Variants in IRF1 observed in about 807,000 individuals in gnomAD.
IRF1 encodes interferon regulatory factor 1.
Under a neutral mutation model 43.7 loss-of-function variants are expected in IRF1, and 13 were observed. That is an observed-to-expected ratio of 0.30 (90% confidence interval 0.19 to 0.47). The LOEUF is 0.47. IRF1 is among the 20% of genes least tolerant of loss of function. The probability of loss-of-function intolerance (pLI) is 0.99; values close to 1 mark genes in which losing one functional copy is unlikely to be tolerated. For synonymous variants in IRF1, 138 were observed against 146.8 expected (o/e 0.94, Z 0.43); for missense variants, 236 against 408.9 (o/e 0.58, Z 3.65).
intron 2 of IRF1, chr5:132,488,232 G>T: frequency 1.8e-6 from 1 of 559,026 alleles, no homozygotes; most frequent in Non-Finnish European, 3.2e-6. Context: ...CACCTAGTTT[G>T]GATGAGCTGC....
rs1389099870 is a variant in IRF1 at position 132,482,216 on chromosome 5, C to T, written c.*1735G>A. 1 of 141,270 alleles carries T rather than the reference C, an allele frequency of 7.1e-6. No homozygotes were observed. Among genetic ancestry groups the T allele is most frequent in the East Asian group, 2.1e-4 (1 of 4,796 alleles). 8.8% of individuals were successfully genotyped at this position (141,270 alleles called of 1,614,324 possible). ...TACAGGCGCCCGCCACCAGGCCCGG[C>T]TAATTTTTTTTTTTTTTTTTGAGAC... On this transcript the variant is annotated 3_prime_UTR_variant, in exon 10 of 10. Coordinates refer to ENST00000245414, the MANE Select transcript of IRF1 (RefSeq NM_002198.3).
rs1470488631 is a variant in IRF1, at chr5:132,481,926, C to T, written c.*2025G>A. ...CCTCAAAACTTAACACTCCTTGGGC[C>T]CCAGGAGCCCAGAATCAACTGACAG... On this transcript the variant is annotated 3_prime_UTR_variant, in exon 10 of 10. Coordinates refer to ENST00000245414, the MANE Select transcript of IRF1 (RefSeq NM_002198.3). 4 of 152,364 alleles carry T rather than the reference C, an allele frequency of 2.6e-5. No individual in the cohort carries two copies. Among genetic ancestry groups the T allele is most frequent in the African/African-American group, 9.6e-5 (4 of 41,454 alleles). 9.4% of individuals were successfully genotyped at this position (152,364 alleles called of 1,614,324 possible). A position where few individuals can be genotyped will look rare whatever the true frequency, so the allele number is the denominator to read the frequency against.
intron 7 of IRF1, 39 bp downstream of exon 7, chr5:132,486,212 G>A: frequency 6.2e-7 from 1 of 1,609,296 alleles, no homozygotes. Flanking sequence ...ACAGGACCCA[G>A]ACAGTCAAGC....
intron 2 of IRF1, 32 bp from the exon 3 acceptor site, chr5:132,488,057 G>C: frequency 6.5e-7 from 1 of 1,533,152 alleles, no homozygotes; most frequent in Non-Finnish European, 9.0e-7. Context: ...ATAAGGCTGT[G>C]TCAGGTCAGA....
chr5:132,484,607 T>G, intron 8 of IRF1, 110 bp from the exon 9 acceptor site: 2 of 1,386,464 alleles, frequency 1.4e-6, no homozygotes, highest in Non-Finnish European at 2.0e-6. Flanking sequence ...CCCTTGGCCA[T>G]TTTCACAATC....
Position 132,490,121 on chromosome 5 carries a change from T to G in IRF1, c.-6+424A>C, listed in dbSNP as rs1754670695. Reference sequence around the variant, plus strand: ...GCCACCTGGGCAGTAAGCCAGCCCTTGCCACCAGCACAGGGAGCCCAAAAC... The same window carrying G: ...GCCACCTGGGCAGTAAGCCAGCCCTGGCCACCAGCACAGGGAGCCCAAAAC... On this transcript the variant is annotated intron_variant, in intron 1 of 9. Transcript: ENST00000245414. This position sits in a 1 kb window ranked among gnomAD's most constrained non-coding sequence, Gnocchi z 5.8. The G allele has an allele frequency of 3.3e-5, 5 of 152,642 alleles. No individual in the cohort carries two copies. Among genetic ancestry groups the G allele is most frequent in the Admixed American group, 3.3e-4 (5 of 15,328 alleles). The allele number at this position is 152,642 out of a possible 1,614,324, so 9.5% of individuals were successfully genotyped here. A position where few individuals can be genotyped will look rare whatever the true frequency, so the allele number is the denominator to read the frequency against.
chr5:132,487,964 T>C lies in IRF1; in HGVS notation c.149A>G (p.Lys50Arg). 6.2e-7 allele frequency: 1 copy of C among 1,613,698 alleles called. No homozygotes were observed. The highest frequency in any genetic ancestry group is 8.5e-7 in the Non-Finnish European group (1 of 1,179,986). The change falls in exon 3 of 10, where the codon AAG (lysine) becomes AGG (arginine). Residue 50 changes from lysine (K) to arginine (R), a missense_variant. This residue lies in a region of IRF1 where 66 missense variants were observed against 157.1 expected (regional missense o/e 0.42). Transcript: ENST00000245414. ...HAAKHGWDINKDACLFRSWAI... is the reference protein window; with the variant it reads ...HAAKHGWDINRDACLFRSWAI... ...CCAGCTCCGGAACAAACAGGCATCC[T>C]TGTTGATGTCCCAGCCATGCTTGGC...
Position 132,486,723 on chromosome 5 carries a change from C to G in IRF1, c.415-37G>C, listed in dbSNP as rs777082730. 64 of 1,614,034 alleles carry G rather than the reference C, an allele frequency of 4.0e-5. No individual in the cohort carries two copies. The Admixed American group carries it at 1.1e-3, about 27-fold the overall frequency. On this transcript the variant is annotated intron_variant, in intron 5 of 9. Coordinates refer to ENST00000245414, the MANE Select transcript of IRF1 (RefSeq NM_002198.3). ...GAAAGCAGCTTAGGCCCAGGCCCAC[C>G]TTAGCATTTCTTCCACTGCTCACCC...
At chr5:132,486,898 C>T (rs1754544975) in intron 4 of IRF1, 54 bp from the exon 5 acceptor site, 1 of 1,613,956 alleles carries the variant, frequency 6.2e-7, no homozygotes, top group Non-Finnish European at 8.5e-7. Context: ...CCCCAGCTGA[C>T]CTCCTTCTAC....
rs1754422456 is a variant in IRF1, at chr5:132,482,916, A to G, written c.*1035T>C. ...CTCGGCCTCCCAAAGTGCTGGGATTACAGGTGTGAGCCACCGCGCCTGGCC... is the reference window on the plus strand; with the variant it reads ...CTCGGCCTCCCAAAGTGCTGGGATTGCAGGTGTGAGCCACCGCGCCTGGCC... On this transcript the variant is annotated 3_prime_UTR_variant, in exon 10 of 10. Transcript: ENST00000245414. 1.3e-5 allele frequency: 2 copies of G among 152,382 alleles called. No homozygotes were observed. Among genetic ancestry groups the G allele is most frequent in the African/African-American group, 2.4e-5 (1 of 41,538 alleles). The allele number at this position is 152,382 out of a possible 1,614,324, so 9.4% of individuals were successfully genotyped here. A position where few individuals can be genotyped will look rare whatever the true frequency, so the allele number is the denominator to read the frequency against.
At chr5:132,485,637 C>G in intron 8 of IRF1, 30 bp downstream of exon 8, 1 of 1,568,502 alleles carries the variant, frequency 6.4e-7, no homozygotes, top group Non-Finnish European at 8.8e-7. Flanking sequence ...ACGGTCACTT[C>G]AAGAGTGCCC....
intron 2 of IRF1, 87 bp from the exon 3 acceptor site, chr5:132,488,112 C>A: frequency 1.0e-6 from 1 of 971,626 alleles, no homozygotes; most frequent in South Asian, 1.3e-5. Flanking sequence ...GCCTGCCCAG[C>A]CAGACAGGTC....
chr5:132,490,765 G>A lies in IRF1; in HGVS notation c.-226C>T, dbSNP rs867918783. On this transcript the variant is annotated 5_prime_UTR_variant, in exon 1 of 10. Coordinates refer to ENST00000245414, the MANE Select transcript of IRF1 (RefSeq NM_002198.3). This position sits in a 1 kb window ranked among gnomAD's most constrained non-coding sequence, Gnocchi z 5.8. ...CACGTCTTGCCTCGACTAAGGAGTG[G>A]CGAGCTCTGCCAGGGCAGCGGCGCC... The A allele has an allele frequency of 2.0e-5, 3 of 152,254 alleles. No individual in the cohort carries two copies. The highest frequency in any genetic ancestry group is 7.2e-5 in the African/African-American group (3 of 41,456). The allele number at this position is 152,254 out of a possible 1,614,324, so 9.4% of individuals were successfully genotyped here.
At position 132,483,984 on chromosome 5, in the gene IRF1, C is replaced by A. The variant is rs368765491; in HGVS notation, c.945G>T (p.Leu315Phe). The change falls in exon 10 of 10, where the codon TTG (leucine) becomes TTT (phenylalanine). Residue 315 changes from leucine (L) to phenylalanine (F), a missense_variant. This residue lies in a region of IRF1 where 170 missense variants were observed against 251.8 expected (regional missense o/e 0.68). Coordinates refer to ENST00000245414, the MANE Select transcript of IRF1 (RefSeq NM_002198.3). ...WLDSLLTPVR[L>F]PSIQAIPCAP is the part of the protein sequence containing the mutation. ...CACAGGGAATGGCCTGGATGGAGGG[C>A]AACCGGACTGGGGTCAGCAGGCTGT... The A allele has an allele frequency of 5.0e-6, 8 of 1,613,648 alleles. No homozygotes were observed. Among genetic ancestry groups the A allele is most frequent in the African/African-American group, 1.3e-5 (1 of 74,896 alleles).
rs1754382156 is a variant in IRF1 at position 132,481,853 on chromosome 5, T to C, written c.*2098A>G. On this transcript the variant is annotated 3_prime_UTR_variant, in exon 10 of 10. Transcript: ENST00000245414. ...TGACTGTGTCATATCAACTGACTTT[T>C]TGGAGCAGCATCTGTGTGTTAGCAG... 1 of 152,380 alleles carries C rather than the reference T, an allele frequency of 6.6e-6. No homozygotes were observed. The highest frequency in any genetic ancestry group is 2.4e-5 in the African/African-American group (1 of 41,458). 9.4% of individuals were successfully genotyped at this position (152,380 alleles called of 1,614,324 possible).
chr5:132,487,605 A>G (rs1401932780), intron 3 of IRF1: 5 of 409,430 alleles, frequency 1.2e-5, no homozygotes. Flanking sequence ...AACACGAAGA[A>G]AAAGGCAGAC....
chr5:132,489,375 CAA>C lies in IRF1; in HGVS notation c.87+15_87+16del. On this transcript the variant is annotated intron_variant, in intron 2 of 9. Coordinates refer to ENST00000245414, the MANE Select transcript of IRF1 (RefSeq NM_002198.3). ...GGGTTAAAACAGTGGCAGGAAAACC[CAA>C]AGAGTTACACTCACTTTATTAATCC... 6.3e-7 allele frequency: 1 copy of C among 1,596,282 alleles called. No homozygotes were observed. The highest frequency in any genetic ancestry group is 1.1e-5 in the South Asian group (1 of 90,716).
Position 132,490,567 on chromosome 5 carries a change from C to A in IRF1, c.-28G>T, listed in dbSNP as rs1196101688. On this transcript the variant is annotated 5_prime_UTR_variant, in exon 1 of 10. Coordinates refer to ENST00000245414, the MANE Select transcript of IRF1 (RefSeq NM_002198.3). The surrounding 1 kb of genome is among the most constrained non-coding windows in gnomAD (Gnocchi z 5.8). Reference sequence around the variant, plus strand: ...CACCTCTGCTGCAGGAGCGATTCGGCGGTCGCGCGCGAGGGTCCCGGCGAC... The same window carrying A: ...CACCTCTGCTGCAGGAGCGATTCGGAGGTCGCGCGCGAGGGTCCCGGCGAC... 1 of 152,176 alleles carries A rather than the reference C, an allele frequency of 6.6e-6. No individual in the cohort carries two copies. Among genetic ancestry groups the A allele is most frequent in the Non-Finnish European group, 1.5e-5 (1 of 68,026 alleles). 9.4% of individuals were successfully genotyped at this position (152,176 alleles called of 1,614,324 possible). A position where few individuals can be genotyped will look rare whatever the true frequency, so the allele number is the denominator to read the frequency against.
In IRF1 at chr5:132,486,601, G is replaced by A; in HGVS notation, c.500C>T (p.Pro167Leu). The change falls in exon 6 of 10, where the codon CCA (proline) becomes CTA (leucine). Residue 167 changes from proline (P) to leucine (L), a missense_variant. Pro to Leu is a moderately conservative substitution (Grantham distance 98). Coordinates refer to ENST00000245414, the MANE Select transcript of IRF1 (RefSeq NM_002198.3). ...CACCTCCAAGTCCTGCATGTAGCCT[G>A]GAACTGTGTAGCTGCTGTGGTCATC... ...LPDDHSSYTV[P>L]GYMQDLEVEQ... is the part of the protein sequence containing the mutation. 6.2e-7 allele frequency: 1 copy of A among 1,614,180 alleles called. No individual in the cohort carries two copies. The highest frequency in any genetic ancestry group is 1.1e-5 in the South Asian group (1 of 91,082).
Sources: allele counts gnomAD v4.1 joint callset, GRCh38; gene constraint gnomAD v4.1.1; regional missense constraint gnomAD v4.1.1; non-coding constraint Gnocchi (gnomAD v3.1); transcripts MANE v1.5; gene names NCBI Gene and HGNC (gene_info 2026-07-23, HGNC 2026-07-21).